SSBP2: variants seen among roughly 807,000 people sequenced by gnomAD.
SSBP2 encodes the protein single stranded DNA binding protein 2.
A neutral mutation model predicts 61.8 loss-of-function variants in SSBP2; 17 were observed. That is an observed-to-expected ratio of 0.28 (90% CI 0.19 to 0.41). The LOEUF is 0.41. Ranked by LOEUF, SSBP2 falls within the 10% of genes least tolerant of loss-of-function variation. SSBP2 has a pLI of 1.00. For synonymous variants in SSBP2, 139 were observed against 141.3 expected (o/e 0.98, Z 0.12); for missense variants, 310 against 458.7 (o/e 0.68, Z 2.96).
chr5:81,538,247 A>G (rs1580957029), intron 4 of SSBP2, among the ~76,000 whole-genome samples: 1 of 152,230 alleles, frequency 6.6e-6, no homozygotes, highest in Non-Finnish European at 1.5e-5. Context: ...TGATGTGGAT[A>G]GAAGATCAAA....
intron 1 of SSBP2, among the ~76,000 whole-genome samples, chr5:81,696,729 C>T (rs1055462521): frequency 3.3e-5 from 5 of 152,156 alleles, no homozygotes; most frequent in Admixed American, 3.3e-4. Context: ...GAAAGGCAAC[C>T]TATTTACACA....
At chr5:81,669,720 T>G (rs752907594) in intron 1 of SSBP2, among the ~76,000 whole-genome samples, 1 of 151,620 alleles carries the variant, frequency 6.6e-6, no homozygotes, top group Non-Finnish European at 1.5e-5. Flanking sequence ...CAAACCACCA[T>G]GCCACATGCA....
intron 5 of SSBP2, among the ~76,000 whole-genome samples, chr5:81,509,576 T>C (rs1220323303): frequency 6.6e-6 from 1 of 152,208 alleles, no homozygotes; most frequent in African/African-American, 2.4e-5. Flanking sequence ...TACCAAAAGA[T>C]AATAATATAA....
At position 81,523,418 on chromosome 5, in the gene SSBP2, C is replaced by T. The variant is rs11959713; in HGVS notation, c.283-9701G>A. Among the ~76,000 whole-genome samples the T allele has an allele frequency of 1.5e-4, 23 of 151,894 alleles. No homozygotes were observed. In the East Asian group the frequency reaches 3.7e-3, roughly 24 times the overall value. ...AGAGTGTAACATAAGCAATTTGTTT[C>T]GAGAAAAAAATCTCTGGGTGATACA... is the stretch of plus-strand genomic sequence containing the variant. On this transcript the variant is annotated intron_variant, in intron 4 of 16. Coordinates refer to ENST00000320672, the MANE Select transcript of SSBP2 (RefSeq NM_012446.5).
intron 6 of SSBP2, among the ~76,000 whole-genome samples, chr5:81,474,905 C>A (rs6872775): frequency 0.44 from 67,565 of 151,966 alleles, 18,954 homozygotes; most frequent in African/African-American, 0.8. Flanking sequence ...ACTAATTTTG[C>A]TTCTTACATG....
chr5:81,500,284 C>T (rs1767604613), intron 5 of SSBP2, among the ~76,000 whole-genome samples: 1 of 151,584 alleles, frequency 6.6e-6, no homozygotes, highest in South Asian at 2.1e-4. Flanking sequence ...CGCTATCTCG[C>T]CTCACTACAA....
intron 15 of SSBP2, among the ~76,000 whole-genome samples, chr5:81,433,605 A>AAAG (rs1195030747): frequency 6.6e-6 from 1 of 151,608 alleles, no homozygotes; most frequent in East Asian, 1.9e-4. Context: ...AAAAAAAAAA[A>AAAG]AAAAGAAAGA....
intron 1 of SSBP2, among the ~76,000 whole-genome samples, chr5:81,727,223 A>C (rs1452430630): frequency 1.3e-5 from 2 of 152,254 alleles, no homozygotes; most frequent in African/African-American, 4.8e-5. Flanking sequence ...TATACTACTA[A>C]CTTCACAACA....
At chr5:81,662,997 G>A (rs1037452509) in intron 1 of SSBP2, among the ~76,000 whole-genome samples, 7 of 152,228 alleles carry the variant, frequency 4.6e-5, no homozygotes, top group Non-Finnish European at 7.4e-5. Context: ...TACAGATTCT[G>A]AACCATTCTT....
At chr5:81,701,393 GA>G (rs1753974781) in intron 1 of SSBP2, among the ~76,000 whole-genome samples, 1 of 152,102 alleles carries the variant, frequency 6.6e-6, no homozygotes, top group Non-Finnish European at 1.5e-5. Flanking sequence ...TAAAAAGTTT[GA>G]AATAGAAGAA....
chr5:81,548,878 C>T (rs1167555414), intron 4 of SSBP2, among the ~76,000 whole-genome samples: 9 of 152,038 alleles, frequency 5.9e-5, no homozygotes, highest in Admixed American at 2.0e-4. Flanking sequence ...GCCAAGATCA[C>T]GCCACTGCAC....
At chr5:81,635,657 C>G (rs1748151901) in intron 3 of SSBP2, among the ~76,000 whole-genome samples, 1 of 150,266 alleles carries the variant, frequency 6.7e-6, no homozygotes, top group African/African-American at 2.5e-5. Flanking sequence ...AATCTCGGCT[C>G]ACTGCAAGCT....
upstream of SSBP2, chr5:81,751,251 G>C (rs994742160): frequency 3.2e-5 from 19 of 592,302 alleles, 2 homozygotes; most frequent in South Asian, 3.7e-4. Context: ...TGGCGGCTAA[G>C]CCTCAGCGGC....
chr5:81,653,918 G>A (rs1399895564), intron 1 of SSBP2, among the ~76,000 whole-genome samples: 1 of 151,862 alleles, frequency 6.6e-6, no homozygotes, highest in Non-Finnish European at 1.5e-5. Context: ...ACCTATCCCT[G>A]TAGTGACATC....
rs1271123524 is a variant in SSBP2 at position 81,453,641 on chromosome 5, A to T, written c.688-4816T>A. Among the ~76,000 whole-genome samples the T allele has an allele frequency of 3.3e-5, 5 of 152,014 alleles. No homozygotes were observed. In the East Asian group the frequency reaches 9.8e-4, roughly 30 times the overall value. ...CTGGCTAATTTTTTGTATTTTTAGT[A>T]GAGACGGGGTTTCACTGTATTAGCC... On this transcript the variant is annotated intron_variant, in intron 10 of 16. Transcript: ENST00000320672.
At chr5:81,700,926 C>T (rs192887529) in intron 1 of SSBP2, among the ~76,000 whole-genome samples, 3 of 152,300 alleles carry the variant, frequency 2.0e-5, no homozygotes, top group Admixed American at 1.3e-4. Context: ...AAACTTTCTC[C>T]GTATTGACCA....
In SSBP2 at chr5:81,513,780, A is replaced by G. The variant is rs1165504159; in HGVS notation, c.283-63T>C. On this transcript the variant is annotated intron_variant, in intron 4 of 16. Coordinates refer to ENST00000320672, the MANE Select transcript of SSBP2 (RefSeq NM_012446.5). ...CAGAGAAGGCACAAAACCAAAGACT[A>G]ATGATAATAGATTGCAGGACGGGAT... 5 of 1,043,686 alleles carry G rather than the reference A, an allele frequency of 4.8e-6. No individual in the cohort carries two copies. In the African/African-American group the frequency reaches 7.9e-5, roughly 17 times the overall value. 64.7% of individuals were successfully genotyped at this position (1,043,686 alleles called of 1,614,324 possible).
chr5:81,502,028 C>T (rs1767833100), intron 5 of SSBP2, among the ~76,000 whole-genome samples: 1 of 152,118 alleles, frequency 6.6e-6, no homozygotes, highest in Non-Finnish European at 1.5e-5. Flanking sequence ...TCTGTCTTCC[C>T]TTGACTTCTC....
intron 4 of SSBP2, among the ~76,000 whole-genome samples, chr5:81,548,856 A>G (rs1771954112): frequency 6.6e-6 from 1 of 152,182 alleles, no homozygotes; most frequent in Non-Finnish European, 1.5e-5. Flanking sequence ...CAGGAGGCAG[A>G]GCTTGCAGTG....
Sources: allele counts gnomAD v4.1 joint callset (sites outside exome capture counted in the v4.1 genomes callset), GRCh38; gene constraint gnomAD v4.1.1; transcripts MANE v1.5; gene names NCBI Gene and HGNC (gene_info 2026-07-23, HGNC 2026-07-21).